The following TERB1 variants were observed in gnomAD, a reference collection of about 807,000 sequenced individuals.
The protein encoded by TERB1 is telomere repeats-binding bouquet formation protein 1.
Under a neutral mutation model 92.3 loss-of-function variants are expected in TERB1, and 63 were observed. The ratio of observed to expected loss-of-function variants is 0.68; its 90% CI spans 0.56 to 0.84. The LOEUF is 0.84. Among genes scored for constraint, TERB1 ranks in the 40% least tolerant of loss-of-function variants. The pLI is 0.00. For missense variants in TERB1, 709 were observed against 843.7 expected, an observed-to-expected ratio of 0.84 and a Z score of 1.98; for synonymous variants, 252 against 283.9, an observed-to-expected ratio of 0.89 and a Z score of 1.13.
chr16:66,759,848 C>CATCT (rs1239355831), intron 16 of TERB1, among the ~76,000 whole-genome samples: 1 of 142,638 alleles, frequency 7.0e-6, no homozygotes, highest in Non-Finnish European at 1.5e-5. Flanking sequence ...AGAAAAAGAG[C>CATCT]ATCTAGAGCG....
rs1257790342 is a variant in TERB1, at chr16:66,767,470, T to A, written c.1725A>T (p.Val575=). The A allele has an allele frequency of 5.2e-6, 8 of 1,528,270 alleles. No individual in the cohort carries two copies. In the African/African-American group the frequency reaches 7.0e-5, roughly 13 times the overall value. 94.7% of individuals were successfully genotyped at this position (1,528,270 alleles called of 1,614,324 possible). ...AACTGGGAGTTGCTAGAAAACTGAC[T>A]ACTTCTTTATTTATTATATCTGAAC... ...TLCSDIINKE[V]VSFLATPSCS... The change falls in exon 16 of 19, where the codon GTA becomes GTT. Residue 575 remains valine (V), a synonymous_variant. Coordinates refer to ENST00000433154, the MANE Select transcript of TERB1 (RefSeq NM_001136505.2).
At position 66,790,665 on chromosome 16, in the gene TERB1, T is replaced by C. The variant is rs886225408; in HGVS notation, c.201A>G (p.Ala67=). 16 of 1,551,086 alleles carry C rather than the reference T, an allele frequency of 1.0e-5. No individual in the cohort carries two copies. Among genetic ancestry groups the C allele is most frequent in the Non-Finnish European group, 1.4e-5 (16 of 1,146,606 alleles). The stretch of plus-strand genomic sequence containing the variant: ...TTACCATGCTATGTTCACTTGACTT[T>C]GCAAGATTTTTTACAAACATCAAAC... ...IGGLMFVKNL[A]KSSEHSMVKE... The change falls in exon 5 of 19, where the codon GCA becomes GCG. Residue 67 remains alanine (A), a synonymous_variant. Transcript: ENST00000433154.
rs10542528 is a variant in TERB1 at position 66,789,703 on chromosome 16, ATT to A, written c.271+890_271+891del. ...CACAAAGATTGGTTCCTAAAAGGTGATTTTTTTTTTTTTTTTTTGAGACAGGG... is the reference window on the plus strand; with the variant it reads ...CACAAAGATTGGTTCCTAAAAGGTGATTTTTTTTTTTTTTTTGAGACAGGG... On this transcript the variant is annotated intron_variant, in intron 5 of 18. Transcript: ENST00000433154. Among the ~76,000 whole-genome samples, 362 of 105,518 alleles carry A rather than the reference ATT, an allele frequency of 3.4e-3. 2 individuals are homozygous for A. The highest frequency in any genetic ancestry group is 0.026 in the East Asian group (99 of 3,746). The allele number at this position is 105,518 out of a possible 152,430, so 69.2% of individuals were successfully genotyped here.
In TERB1 at chr16:66,788,269, T is replaced by C. The variant is rs2018761346; in HGVS notation, c.300A>G (p.Ser100=). 1.3e-6 allele frequency: 2 copies of C among 1,502,946 alleles called. No individual in the cohort carries two copies. The highest frequency in any genetic ancestry group is 2.6e-5 in the East Asian group (1 of 38,574). 93.1% of individuals were successfully genotyped at this position (1,502,946 alleles called of 1,614,324 possible). A position where few individuals can be genotyped will look rare whatever the true frequency, so the allele number is the denominator to read the frequency against. The part of the protein sequence containing the change: ...NVYCQQTLCT[S]ELFEDLTWFL... The stretch of plus-strand genomic sequence containing the variant: ...ACCAAGTTAAGTCTTCAAACAACTC[T>C]GAAGTACACAAAGTCTGCTGACAGT... Residue 100 remains serine (S), a synonymous_variant, in exon 6 of 19, where the codon TCA becomes TCG. Transcript: ENST00000433154.
chr16:66,799,448 G>A (rs12445510), intron 2 of TERB1, among the ~76,000 whole-genome samples: 2 of 151,918 alleles, frequency 1.3e-5, no homozygotes, highest in African/African-American at 4.8e-5. Context: ...CGCTGGTCTC[G>A]AACTCCTGAT....
At chr16:66,773,166 T>TAAA (rs34191234) in intron 12 of TERB1, among the ~76,000 whole-genome samples, 33 of 129,132 alleles carry the variant, frequency 2.6e-4, no homozygotes, top group African/African-American at 8.7e-4. Flanking sequence ...CCACCTCTAC[T>TAAA]AAAAAAAAAA....
At chr16:66,771,564 C>T (rs2018451865) in intron 13 of TERB1, among the ~76,000 whole-genome samples, 1 of 151,630 alleles carries the variant, frequency 6.6e-6, no homozygotes, top group South Asian at 2.1e-4. Flanking sequence ...CCCATAGATA[C>T]CAAGGGTTGA....
chr16:66,794,046 T>C (rs2018884397), intron 3 of TERB1, among the ~76,000 whole-genome samples: 1 of 152,144 alleles, frequency 6.6e-6, no homozygotes, highest in Admixed American at 6.5e-5. Flanking sequence ...TGGAGCATAA[T>C]GATTTTCAGT....
At chr16:66,758,924 C>A in intron 17 of TERB1, 86 bp from the exon 18 acceptor site, 1 of 1,030,850 alleles carries the variant, frequency 9.7e-7, no homozygotes. Flanking sequence ...TTCCTTTATT[C>A]CCCCGTCTAG....
chr16:66,791,131 TAGGC>T (rs2145230829), intron 3 of TERB1, 112 bp from the exon 4 acceptor site: 2 of 524,306 alleles, frequency 3.8e-6, no homozygotes, highest in East Asian at 6.2e-5. Context: ...TTTAAAGTAA[TAGGC>T]AGGTATTACT....
In TERB1 at chr16:66,754,786, C is replaced by T. The variant is rs781714356; in HGVS notation, c.*190G>A. 2.4e-5 allele frequency: 14 copies of T among 584,862 alleles called. No homozygotes were observed. The highest frequency in any genetic ancestry group is 3.0e-5 in the Non-Finnish European group (10 of 337,442). The allele number at this position is 584,862 out of a possible 1,614,324, so 36.2% of individuals were successfully genotyped here. On this transcript the variant is annotated 3_prime_UTR_variant, in exon 19 of 19. Coordinates refer to ENST00000433154, the MANE Select transcript of TERB1 (RefSeq NM_001136505.2). The stretch of plus-strand genomic sequence containing the variant: ...GAAGGAATTTTCTTACTAATCTGTA[C>T]ACTGATGATATATTTGCTTTATAAA...
At chr16:66,776,796 T>A (rs2018556402) in intron 11 of TERB1, among the ~76,000 whole-genome samples, 1 of 152,024 alleles carries the variant, frequency 6.6e-6, no homozygotes, top group South Asian at 2.1e-4. Context: ...TCTTTGAAAG[T>A]TTTAACAAGG....
chr16:66,765,849 A>ATTTTTTTTTTTT (rs10564947), intron 16 of TERB1, among the ~76,000 whole-genome samples: 3 of 62,460 alleles, frequency 4.8e-5, no homozygotes, highest in African/African-American at 6.7e-5. Flanking sequence ...ACTATTGGGT[A>ATTTTTTTTTTTT]TTTTTTTTTT....
intron 16 of TERB1, among the ~76,000 whole-genome samples, chr16:66,762,684 G>C (rs928557325): frequency 6.8e-6 from 1 of 147,664 alleles, no homozygotes; most frequent in Non-Finnish European, 1.5e-5. Flanking sequence ...GCACCCAGCC[G>C]GGACTTTTTT....
Position 66,796,786 on chromosome 16 carries a change from C to A in TERB1, c.13G>T (p.Asp5Tyr). 6.5e-7 allele frequency: 1 copy of A among 1,536,856 alleles called. No individual in the cohort carries two copies. The highest frequency in any genetic ancestry group is 1.2e-5 in the South Asian group (1 of 83,612). Reference sequence around the variant, plus strand: ...TTCTCACCTTGTGTTTTCTTTGTGTCTTCACTTTCCATGCTTGTCTATATT... The same window carrying A: ...TTCTCACCTTGTGTTTTCTTTGTGTATTCACTTTCCATGCTTGTCTATATT... MESE[D>Y]TKKTQEMKTD... Residue 5 changes from aspartate (D) to tyrosine (Y), a missense_variant, in exon 3 of 19, where the codon GAC becomes TAC. Physicochemically the swap from Asp to Tyr is radical, Grantham distance 160 (BLOSUM62 -3). Coordinates refer to ENST00000433154, the MANE Select transcript of TERB1 (RefSeq NM_001136505.2).
At chr16:66,758,672 C>T (rs1226816284) in intron 18 of TERB1, 101 bp downstream of exon 18, 10 of 665,684 alleles carry the variant, frequency 1.5e-5, no homozygotes, top group Admixed American at 2.7e-5. Context: ...ACCTGGGAGG[C>T]GGAGGCTGCA....
At chr16:66,793,537 A>G (rs2018873633) in intron 3 of TERB1, among the ~76,000 whole-genome samples, 1 of 150,810 alleles carries the variant, frequency 6.6e-6, no homozygotes, top group Non-Finnish European at 1.5e-5. Flanking sequence ...TTTGAAATGG[A>G]GTCTCACTCT....
At chr16:66,767,532 AGGATTTT>A in intron 15 of TERB1, 22 bp from the exon 16 acceptor site, 2 of 1,106,052 alleles carry the variant, frequency 1.8e-6, no homozygotes, top group Non-Finnish European at 2.6e-6. Flanking sequence ...TGCAAAATGA[AGGATTTT>A]TGGATTAATG....
chr16:66,788,830 C>T (rs183924030), intron 5 of TERB1, among the ~76,000 whole-genome samples: 8 of 151,930 alleles, frequency 5.3e-5, no homozygotes, highest in Non-Finnish European at 8.8e-5. Flanking sequence ...ATACAATCAA[C>T]GTTTCATCCA....
Sources: gnomAD v4.1 joint callset for allele counts (sites outside exome capture counted in the v4.1 genomes callset) on GRCh38, gnomAD v4.1.1 for gene constraint, MANE v1.5 for transcripts, NCBI Gene and HGNC (gene_info 2026-07-23, HGNC 2026-07-21) for gene names.